Variants in PLTP observed in about 807,000 individuals in gnomAD.
PLTP encodes BPI fold containing family E.
In PLTP, 43 loss-of-function variants were observed where a neutral mutation model predicts 54.1. That is an observed-to-expected ratio of 0.79 (90% confidence interval 0.62 to 1.02). The LOEUF (loss-of-function observed/expected upper bound fraction) is 1.02. PLTP is among the 50% of genes least tolerant of loss of function. The pLI is 0.00. For synonymous variants in PLTP, 263 were observed against 264.6 expected, an observed-to-expected ratio of 0.99 and a Z score of 0.06; for missense variants, 604 against 645.9, an observed-to-expected ratio of 0.94 and a Z score of 0.70.
chr20:45,907,586 G>T (rs2083252218), intron 7 of PLTP, 106 bp downstream of exon 7: 1 of 1,058,814 alleles, frequency 9.4e-7, no homozygotes, highest in East Asian at 2.5e-5. Context: ...TCAGCTCCAG[G>T]GGCCACATTT....
Position 45,902,318 on chromosome 20 carries a change from G to C in PLTP, c.1124C>G (p.Ala375Gly). 6.2e-7 allele frequency: 1 copy of C among 1,614,166 alleles called. No homozygotes were observed. Among genetic ancestry groups the C allele is most frequent in the Non-Finnish European group, 8.5e-7 (1 of 1,180,042 alleles). The change falls in exon 12 of 16, where the codon GCC becomes GGC. Residue 375 changes from alanine to glycine, a missense_variant. Coordinates refer to ENST00000372431, the MANE Select transcript of PLTP (RefSeq NM_006227.4). ...GGCCTTCCCCCGGAGAGCCATCTTG[G>C]CGCTGAGACGGGCGTCCTGCAGGAA... Reference protein sequence around the residue: ...SSMTMDARLSAKMALRGKALR... With the variant: ...SSMTMDARLSGKMALRGKALR...
chr20:45,902,587 G>C lies in PLTP; in HGVS notation c.960C>G (p.Asp320Glu), dbSNP rs1014922825. The stretch of plus-strand genomic sequence containing the variant: ...CCCGCAGCTCCAGCTTCAATGGGGA[G>C]TCAATCACTGCTGGGCTCTGGGGGA... ...SIVLLSPAVIDSPLKLELRVL... is the reference protein window; with the variant it reads ...SIVLLSPAVIESPLKLELRVL... Residue 320 changes from aspartate to glutamate, a missense_variant, in exon 11 of 16, where the codon GAC becomes GAG. Coordinates refer to ENST00000372431, the MANE Select transcript of PLTP (RefSeq NM_006227.4). 15 of 1,611,506 alleles carry C rather than the reference G, an allele frequency of 9.3e-6. No homozygotes were observed. Among genetic ancestry groups the C allele is most frequent in the Non-Finnish European group, 1.3e-5 (15 of 1,178,834 alleles).
intron 3 of PLTP, 179 bp downstream of exon 3, chr20:45,910,973 T>C (rs988874330): frequency 6.2e-5 from 92 of 1,493,426 alleles, no homozygotes; most frequent in Non-Finnish European, 7.8e-5. Flanking sequence ...GTCCCGCCTA[T>C]GATGACTGGC....
chr20:45,910,707 C>T (rs1440880058), intron 3 of PLTP, among the ~76,000 whole-genome samples: 1 of 151,834 alleles, frequency 6.6e-6, no homozygotes, highest in Non-Finnish European at 1.5e-5. Context: ...AGAGTCCGTT[C>T]ACTTTGCCTC....
intron 5 of PLTP, 92 bp from the exon 6 acceptor site, chr20:45,907,996 G>C: frequency 8.9e-7 from 1 of 1,129,012 alleles, no homozygotes; most frequent in South Asian, 1.3e-5. Flanking sequence ...AATAGTGGCA[G>C]TAGGAGTCCT....
intron 3 of PLTP, among the ~76,000 whole-genome samples, chr20:45,910,531 C>T (rs934768336): frequency 2.0e-5 from 3 of 151,604 alleles, no homozygotes; most frequent in African/African-American, 7.3e-5. Context: ...AGGAAAATCG[C>T]TTGAACTCGG....
intron 5 of PLTP, among the ~76,000 whole-genome samples, chr20:45,908,535 C>G (rs754577501): frequency 3.9e-5 from 6 of 152,210 alleles, no homozygotes; most frequent in African/African-American, 1.4e-4. Flanking sequence ...CACAGTTGCT[C>G]AGGCCTGTAA....
intron 7 of PLTP, 97 bp from the exon 8 acceptor site, chr20:45,906,456 A>G: frequency 2.2e-6 from 2 of 890,634 alleles, no homozygotes; most frequent in Non-Finnish European, 3.7e-6. Flanking sequence ...ATGAGGATAC[A>G]TCCTTCACAG....
At chr20:45,902,724 A>G in intron 10 of PLTP, 120 bp from the exon 11 acceptor site, 1 of 1,037,422 alleles carries the variant, frequency 9.6e-7, no homozygotes, top group Non-Finnish European at 1.4e-6. Context: ...TATTGCAAAT[A>G]CAGAGGGAGC....
intron 12 of PLTP, among the ~76,000 whole-genome samples, chr20:45,901,201 A>G (rs1049152416): frequency 6.6e-6 from 1 of 152,238 alleles, no homozygotes; most frequent in African/African-American, 2.4e-5. Flanking sequence ...ATTTAAATGT[A>G]AATAGTCACA....
chr20:45,901,642 C>T (rs1374756893), intron 12 of PLTP, among the ~76,000 whole-genome samples: 1 of 151,920 alleles, frequency 6.6e-6, no homozygotes, highest in African/African-American at 2.4e-5. Context: ...TGGCTCATAC[C>T]TATAATCCCA....
chr20:45,908,159 C>A (rs2083258566), intron 5 of PLTP, among the ~76,000 whole-genome samples: 1 of 152,140 alleles, frequency 6.6e-6, no homozygotes, highest in African/African-American at 2.4e-5. Flanking sequence ...CCACTCTGAG[C>A]ATCCCCACAT....
chr20:45,909,294 C>G (rs1280053913), intron 5 of PLTP, among the ~76,000 whole-genome samples: 1 of 150,792 alleles, frequency 6.6e-6, no homozygotes, highest in Admixed American at 6.6e-5. Flanking sequence ...TATACCAACA[C>G]AAATAATCCT....
chr20:45,903,049 C>A (rs539103700), intron 10 of PLTP, among the ~76,000 whole-genome samples: 1 of 152,202 alleles, frequency 6.6e-6, no homozygotes, highest in African/African-American at 2.4e-5. Flanking sequence ...ATTACAGGCA[C>A]CTGCCGCCAT....
At position 45,898,770 on chromosome 20, in the gene PLTP, G is replaced by A. The variant is rs568876316; in HGVS notation, c.*171C>T. On this transcript the variant is annotated 3_prime_UTR_variant, in exon 16 of 16. Transcript: ENST00000372431. The surrounding 1 kb of genome is among the most constrained non-coding windows in gnomAD (Gnocchi z 4.6). Reference sequence around the variant, plus strand: ...GACAGCCCACAGGGAGGTGGTGGACGGACTGTAATTGATAGATTGATTATG... The same window carrying A: ...GACAGCCCACAGGGAGGTGGTGGACAGACTGTAATTGATAGATTGATTATG... 172 of 798,424 alleles carry A rather than the reference G, an allele frequency of 2.2e-4. No homozygotes were observed. The highest frequency in any genetic ancestry group is 1.2e-3 in the South Asian group (70 of 56,338). The allele number at this position is 798,424 out of a possible 1,614,324, so 49.5% of individuals were successfully genotyped here.
At chr20:45,902,180 G>A (rs2083191317) in intron 12 of PLTP, 87 bp downstream of exon 12, 1 of 1,361,930 alleles carries the variant, frequency 7.3e-7, no homozygotes, top group Non-Finnish European at 1.0e-6. Flanking sequence ...TGGCTTACAG[G>A]TATCACTGTA....
chr20:45,902,233 A>G (rs1306255668), intron 12 of PLTP, 34 bp downstream of exon 12: 3 of 1,607,094 alleles, frequency 1.9e-6, no homozygotes, highest in African/African-American at 1.3e-5. Flanking sequence ...ATTGTCCTCC[A>G]ATCACTGAGG....
intron 1 of PLTP, 72 bp downstream of exon 1, chr20:45,912,007 C>T (rs1330667858): frequency 1.2e-5 from 2 of 171,890 alleles, no homozygotes; most frequent in Admixed American, 1.1e-4. Flanking sequence ...GCTCTCCTCC[C>T]CACGCCGGCT....
At chr20:45,910,206 T>C in intron 3 of PLTP, 136 bp from the exon 4 acceptor site, 1 of 963,546 alleles carries the variant, frequency 1.0e-6, no homozygotes, top group Non-Finnish European at 1.6e-6. Context: ...CCATTGTCCC[T>C]CAAGTGCCCA....
Sources: allele counts gnomAD v4.1 joint callset (sites outside exome capture counted in the v4.1 genomes callset), GRCh38; gene constraint gnomAD v4.1.1; non-coding constraint Gnocchi (gnomAD v3.1); transcripts MANE v1.5; gene names NCBI Gene and HGNC (gene_info 2026-07-23, HGNC 2026-07-21).